PHACTR1: variants seen among roughly 807,000 people sequenced by gnomAD.
The protein encoded by PHACTR1 is phosphatase and actin regulator 1.
A neutral mutation model predicts 69.2 loss-of-function variants in PHACTR1; 16 were observed. The ratio of observed to expected loss-of-function variants is 0.23; its 90% CI spans 0.16 to 0.35. The LOEUF (loss-of-function observed/expected upper bound fraction) is 0.35, where lower values mean the gene tolerates loss of function less well. Ranked by LOEUF, PHACTR1 falls within the 10% of genes least tolerant of loss-of-function variation. PHACTR1 has a pLI of 1.00. For synonymous variants in PHACTR1, 312 were observed against 284.5 expected, an observed-to-expected ratio of 1.10 and a Z score of -0.97; for missense variants, 510 against 734.7, an observed-to-expected ratio of 0.69 and a Z score of 3.54.
At chr6:12,750,136 C>A (rs1035830693) in intron 4 of PHACTR1, among the ~76,000 whole-genome samples, 1 of 152,216 alleles carries the variant, frequency 6.6e-6, no homozygotes, top group African/African-American at 2.4e-5. Context: ...GCTCCCCGGG[C>A]GAGGTTGGCT....
intron 4 of PHACTR1, among the ~76,000 whole-genome samples, chr6:12,941,547 C>T (rs572998209): frequency 1.3e-5 from 2 of 152,154 alleles, no homozygotes; most frequent in African/African-American, 2.4e-5. Context: ...AGTTCGTGAC[C>T]GGATGTCACT....
Position 12,840,875 on chromosome 6 carries a change from T to G in PHACTR1, c.250+91085T>G, listed in dbSNP as rs1582028630. Among the ~76,000 whole-genome samples, 6 of 152,344 alleles carry G rather than the reference T, an allele frequency of 3.9e-5. No individual in the cohort carries two copies. The Middle Eastern group carries it at 0.017, about 432-fold the overall frequency. On this transcript the variant is annotated intron_variant, in intron 4 of 14. Coordinates refer to ENST00000332995, the MANE Select transcript of PHACTR1 (RefSeq NM_030948.6). ...ATGAAGGAAGTATTTAAGTGATGCT[T>G]GTTGCATTGAGCTGATAAGGACATA...
intron 4 of PHACTR1, among the ~76,000 whole-genome samples, chr6:12,869,270 A>G (rs138480065): frequency 1.3e-5 from 2 of 152,206 alleles, no homozygotes; most frequent in East Asian, 3.9e-4. Context: ...CCTCCACTTC[A>G]TAGTCCAACC....
chr6:12,950,020 C>T (rs1791109104), intron 4 of PHACTR1, among the ~76,000 whole-genome samples: 1 of 152,234 alleles, frequency 6.6e-6, no homozygotes, highest in African/African-American at 2.4e-5. Flanking sequence ...TCCCAAGTCT[C>T]TTTCACTGCA....
intron 4 of PHACTR1, among the ~76,000 whole-genome samples, chr6:12,868,212 G>A (rs1199035906): frequency 6.7e-6 from 1 of 148,574 alleles, no homozygotes; most frequent in Non-Finnish European, 1.5e-5. Flanking sequence ...AACCAAGATC[G>A]CGCCACTGCA....
At chr6:12,828,946 A>G (rs1389334710) in intron 4 of PHACTR1, among the ~76,000 whole-genome samples, 1 of 152,206 alleles carries the variant, frequency 6.6e-6, no homozygotes, top group Non-Finnish European at 1.5e-5. Context: ...ATATGTTCAA[A>G]AATCTAGAAG....
intron 3 of PHACTR1, 48 bp from the exon 4 acceptor site, chr6:12,749,596 C>A: frequency 7.5e-7 from 1 of 1,329,814 alleles, no homozygotes; most frequent in East Asian, 3.0e-5. Flanking sequence ...CTCCCCTCCT[C>A]CCCCTTCCGC....
intron 4 of PHACTR1, among the ~76,000 whole-genome samples, chr6:12,756,411 T>C (rs934730728): frequency 1.3e-5 from 2 of 152,030 alleles, no homozygotes; most frequent in African/African-American, 4.8e-5. Context: ...GGTGGGGGAG[T>C]GGGCAGTATT....
chr6:13,146,446 TTCTC>T (rs1382757589), intron 5 of PHACTR1, among the ~76,000 whole-genome samples: 1 of 152,244 alleles, frequency 6.6e-6, no homozygotes, highest in Non-Finnish European at 1.5e-5. Flanking sequence ...ACTGCTGTCT[TTCTC>T]TGTCTGATAA....
At chr6:13,250,844 C>A (rs1051262309) in intron 10 of PHACTR1, among the ~76,000 whole-genome samples, 3 of 152,108 alleles carry the variant, frequency 2.0e-5, no homozygotes, top group African/African-American at 7.2e-5. Context: ...AGGTGGTGCA[C>A]AAATGGAGTG....
At position 13,227,939 on chromosome 6, in the gene PHACTR1, T is replaced by G. The variant is rs781577937; in HGVS notation, c.1110T>G (p.Ile370Met). Residue 370 changes from isoleucine (I) to methionine (M), a missense_variant, in exon 9 of 15, where the codon ATT (isoleucine) becomes ATG (methionine). Physicochemically the swap from Ile to Met is conservative, Grantham distance 10. Transcript: ENST00000332995. ...PEIRQVPTVV[I>M]ECDDNKENVP... ...TAAGACAAGTGCCAACTGTTGTGAT[T>G]GAATGTGATGACAATAAAGAAAATG... The G allele has an allele frequency of 6.2e-7, 1 of 1,613,974 alleles. No individual in the cohort carries two copies. Among genetic ancestry groups the G allele is most frequent in the Non-Finnish European group, 8.5e-7 (1 of 1,179,896 alleles).
intron 4 of PHACTR1, among the ~76,000 whole-genome samples, chr6:13,006,178 C>G (rs4715048): frequency 0.5 from 76,254 of 152,086 alleles, 21,774 homozygotes; most frequent in African/African-American, 0.78. Context: ...AGATAAGAAC[C>G]TATGCATCCT....
At chr6:12,868,990 T>G (rs899036436) in intron 4 of PHACTR1, among the ~76,000 whole-genome samples, 2 of 152,096 alleles carry the variant, frequency 1.3e-5, no homozygotes, top group Non-Finnish European at 2.9e-5. Flanking sequence ...GTTCCAGGTC[T>G]TGGGTAGCAG....
intron 5 of PHACTR1, among the ~76,000 whole-genome samples, chr6:13,136,472 T>C (rs1002694039): frequency 2.6e-5 from 4 of 152,260 alleles, no homozygotes; most frequent in African/African-American, 9.6e-5. Context: ...CTGGGTTTGA[T>C]CTTCTATCCA....
intron 12 of PHACTR1, among the ~76,000 whole-genome samples, chr6:13,282,931 A>C (rs1780612430): frequency 6.6e-6 from 1 of 152,194 alleles, no homozygotes. Context: ...GTATAGGTGT[A>C]AAAACAGTAC....
intron 6 of PHACTR1, among the ~76,000 whole-genome samples, chr6:13,161,976 G>A (rs1759084204): frequency 6.6e-6 from 1 of 152,194 alleles, no homozygotes; most frequent in South Asian, 2.1e-4. Flanking sequence ...TTCTGTGTAT[G>A]ACCATACCAG....
At chr6:12,718,934 C>A in intron 3 of PHACTR1, 87 bp downstream of exon 3, 5 of 708,088 alleles carry the variant, frequency 7.1e-6, no homozygotes. Context: ...TAAAGCCTTG[C>A]TCTGAAAGTT....
intron 4 of PHACTR1, among the ~76,000 whole-genome samples, chr6:12,784,497 T>C (rs951768284): frequency 4.7e-4 from 71 of 151,414 alleles, no homozygotes; most frequent in African/African-American, 1.6e-3. Context: ...TATACACACA[T>C]ATATACATAT....
chr6:13,240,347 A>C (rs1405358485), intron 10 of PHACTR1, among the ~76,000 whole-genome samples: 4 of 152,006 alleles, frequency 2.6e-5, no homozygotes, highest in African/African-American at 9.7e-5. Flanking sequence ...CTAATCTGTA[A>C]TGATTGTTCT....
Sources: allele counts gnomAD v4.1 joint callset (sites outside exome capture counted in the v4.1 genomes callset), GRCh38; gene constraint gnomAD v4.1.1; transcripts MANE v1.5; gene names NCBI Gene and HGNC (gene_info 2026-07-23, HGNC 2026-07-21).